The following PLCB4 variants were observed in gnomAD, a reference collection of about 807,000 sequenced individuals.
PLCB4 encodes the protein phospholipase C beta 4, also known as 1-phosphatidylinositol 4,5-bisphosphate phosphodiesterase beta-4.
A neutral mutation model predicts 178.8 loss-of-function variants in PLCB4; 77 were observed. The ratio of observed to expected loss-of-function variants is 0.43; its 90% CI spans 0.36 to 0.52. The LOEUF (loss-of-function observed/expected upper bound fraction) is 0.52. PLCB4 is among the 20% of genes least tolerant of loss of function. The probability of loss-of-function intolerance (pLI) is 0.00; values close to 1 mark genes in which losing one functional copy is unlikely to be tolerated. For synonymous variants in PLCB4, 496 were observed against 490.8 expected, an observed-to-expected ratio of 1.01 and a Z score of -0.14; for missense variants, 1,024 against 1,453.4, an observed-to-expected ratio of 0.70 and a Z score of 4.80.
chr20:9,426,165 T>C (rs1174368438), intron 28 of PLCB4, among the ~76,000 whole-genome samples: 1 of 152,120 alleles, frequency 6.6e-6, no homozygotes, highest in African/African-American at 2.4e-5. Flanking sequence ...TCAATATACA[T>C]CATTAGATTT....
intron 28 of PLCB4, among the ~76,000 whole-genome samples, chr20:9,431,650 TTGTG>T (rs3037096): frequency 0.11 from 15,761 of 144,066 alleles, 961 homozygotes; most frequent in East Asian, 0.3. Flanking sequence ...GTGTGTGTGT[TTGTG>T]TGTGTGTGTG....
intron 2 of PLCB4, among the ~76,000 whole-genome samples, chr20:9,186,652 C>T (rs1387346853): frequency 6.6e-6 from 1 of 152,174 alleles, no homozygotes; most frequent in African/African-American, 2.4e-5. Context: ...TGCCATGTGC[C>T]AAACGAGCTG....
chr20:9,308,403 T>A (rs1285765405), intron 4 of PLCB4, among the ~76,000 whole-genome samples: 2 of 152,224 alleles, frequency 1.3e-5, no homozygotes, highest in Non-Finnish European at 2.9e-5. Flanking sequence ...TGGTGATGAC[T>A]CCAGACTTTC....
chr20:9,100,500 C>G (rs879735779), intron 2 of PLCB4, among the ~76,000 whole-genome samples: 8 of 152,030 alleles, frequency 5.3e-5, no homozygotes, highest in South Asian at 4.1e-4. Flanking sequence ...CAAAAGAAAC[C>G]ACTTAGCTGT....
intron 3 of PLCB4, among the ~76,000 whole-genome samples, chr20:9,252,527 G>A (rs2094192205): frequency 6.6e-6 from 1 of 152,116 alleles, no homozygotes; most frequent in Non-Finnish European, 1.5e-5. Context: ...TCTGTAGTGG[G>A]GTACAGGCAT....
chr20:9,076,682 T>C (rs2089885055), intron 1 of PLCB4, among the ~76,000 whole-genome samples: 1 of 152,194 alleles, frequency 6.6e-6, no homozygotes, highest in African/African-American at 2.4e-5. Flanking sequence ...GCAGTCCGCT[T>C]AACAGCCCTC....
intron 4 of PLCB4, among the ~76,000 whole-genome samples, chr20:9,317,850 A>G (rs1601807495): frequency 6.6e-6 from 1 of 152,204 alleles, no homozygotes; most frequent in Non-Finnish European, 1.5e-5. Flanking sequence ...TGTAATCCCA[A>G]CACTTTGGGA....
At position 9,437,165 on chromosome 20, in the gene PLCB4, C is replaced by T. The variant is rs944707054; in HGVS notation, c.2764+13C>T. The T allele has an allele frequency of 1.6e-5, 26 of 1,610,812 alleles. No homozygotes were observed. Among genetic ancestry groups the T allele is most frequent in the Admixed American group, 1.3e-4 (8 of 59,650 alleles). On this transcript the variant is annotated intron_variant, in intron 30 of 39. Transcript: ENST00000378473. ...GAAGCCAAGAAAGGTGAGAGAGAGCCGTTGGGTTCCTTATCTTCTGCACCC... is the reference window on the plus strand; with the variant it reads ...GAAGCCAAGAAAGGTGAGAGAGAGCTGTTGGGTTCCTTATCTTCTGCACCC...
chr20:9,413,443 A>G (rs1287856793), intron 25 of PLCB4, among the ~76,000 whole-genome samples: 1 of 151,990 alleles, frequency 6.6e-6, no homozygotes, highest in Non-Finnish European at 1.5e-5. Flanking sequence ...GCAGATCACA[A>G]GGTTAGGAGA....
intron 4 of PLCB4, among the ~76,000 whole-genome samples, chr20:9,308,762 A>G (rs1482065293): frequency 2.0e-5 from 3 of 152,174 alleles, no homozygotes; most frequent in African/African-American, 7.2e-5. Flanking sequence ...TGCAGGGTGC[A>G]TCTCTAGATT....
At chr20:9,287,299 A>T (rs1256434471) in intron 3 of PLCB4, among the ~76,000 whole-genome samples, 3 of 152,044 alleles carry the variant, frequency 2.0e-5, no homozygotes, top group African/African-American at 7.2e-5. Flanking sequence ...AAGTATTAGG[A>T]AACAGAAGGG....
intron 3 of PLCB4, among the ~76,000 whole-genome samples, chr20:9,298,690 TA>T (rs1381995952): frequency 6.6e-6 from 1 of 152,124 alleles, no homozygotes; most frequent in Admixed American, 6.6e-5. Flanking sequence ...AAATATCACC[TA>T]ATAAATTTAT....
chr20:9,473,231 T>C (rs752913654), intron 37 of PLCB4, 48 bp from the exon 38 acceptor site: 12 of 1,244,878 alleles, frequency 9.6e-6, no homozygotes, highest in African/African-American at 4.7e-5. Flanking sequence ...TGTTTTAAGA[T>C]TGTAACCCAA....
intron 2 of PLCB4, among the ~76,000 whole-genome samples, chr20:9,206,189 G>A (rs2093611359): frequency 6.6e-6 from 1 of 151,748 alleles, no homozygotes; most frequent in Non-Finnish European, 1.5e-5. Flanking sequence ...CTTTAAATCA[G>A]GTTATTTGGA....
chr20:9,448,867 T>C (rs184671139), intron 32 of PLCB4, among the ~76,000 whole-genome samples: 3 of 152,184 alleles, frequency 2.0e-5, no homozygotes, highest in African/African-American at 7.2e-5. Flanking sequence ...AGCTACCAGA[T>C]AGAAAGGAAC....
At chr20:9,411,721 T>TAA (rs11468073) in intron 25 of PLCB4, among the ~76,000 whole-genome samples, 1 of 143,368 alleles carries the variant, frequency 7.0e-6, no homozygotes. Context: ...TCTCTTGAGA[T>TAA]AAAAAAAAAA....
At chr20:9,472,371 A>T (rs1335843861) in intron 36 of PLCB4, among the ~76,000 whole-genome samples, 1 of 152,202 alleles carries the variant, frequency 6.6e-6, no homozygotes, top group African/African-American at 2.4e-5. Context: ...AAGTTTGAGA[A>T]GCTCTTATAT....
chr20:9,255,406 T>C (rs1473267336), intron 3 of PLCB4, among the ~76,000 whole-genome samples: 1 of 152,190 alleles, frequency 6.6e-6, no homozygotes, highest in Non-Finnish European at 1.5e-5. Flanking sequence ...GAACTAGCCA[T>C]TGAGTTGAAC....
intron 30 of PLCB4, among the ~76,000 whole-genome samples, chr20:9,437,372 T>C (rs560323222): frequency 5.3e-5 from 8 of 152,342 alleles, no homozygotes; most frequent in African/African-American, 1.2e-4. Flanking sequence ...GTTATTCCTA[T>C]TGGACATTTC....
Sources: gnomAD v4.1 joint callset for allele counts (sites outside exome capture counted in the v4.1 genomes callset) on GRCh38, gnomAD v4.1.1 for gene constraint, MANE v1.5 for transcripts, NCBI Gene and HGNC (gene_info 2026-07-23, HGNC 2026-07-21) for gene names.